Variants in APOL5 observed in about 807,000 individuals in gnomAD.
APOL5 encodes the protein apolipoprotein L, 5.
A neutral mutation model predicts 35.5 loss-of-function variants in APOL5; 29 were observed. The observed-to-expected ratio is 0.82, with a 90% CI of 0.61 to 1.11. The LOEUF is 1.11. APOL5 is among the 50% of genes most tolerant of loss of function. The pLI, the probability that APOL5 is intolerant of heterozygous loss-of-function variation, is 0.00. For synonymous variants in APOL5, 188 were observed against 200.2 expected (o/e 0.94, Z 0.51); for missense variants, 514 against 530.4 (o/e 0.97, Z 0.30).
In APOL5 at chr22:35,719,968, G is replaced by A. The variant is rs551621463; in HGVS notation, c.56-600G>A. ...TTCCCCTGGATTTGGGCCACTCAGC[G>A]GTTCTCCTCCAACTGCCTTTGGCTA... is the stretch of plus-strand genomic sequence containing the variant. On this transcript the variant is annotated intron_variant, in intron 1 of 4. Coordinates refer to ENST00000249044, the MANE Select transcript of APOL5 (RefSeq NM_030642.1). Among the ~76,000 whole-genome samples, 27 of 152,330 alleles carry A rather than the reference G, an allele frequency of 1.8e-4. No individual in the cohort carries two copies. In the South Asian group the frequency reaches 3.5e-3, roughly 20 times the overall value.
the APOL5 span, among the ~76,000 whole-genome samples, chr22:35,708,937 G>A: frequency 6.6e-6 from 1 of 152,230 alleles, no homozygotes; most frequent in Admixed American, 6.5e-5. Flanking sequence ...ACCCAGGTAA[G>A]TACTTCAATC....
At chr22:35,711,641 T>TCCTTCCTTCCTTCCTG in the APOL5 span, among the ~76,000 whole-genome samples, 1 of 149,288 alleles carries the variant, frequency 6.7e-6, no homozygotes, top group Non-Finnish European at 1.5e-5. Context: ...CTTCCTTCCT[T>TCCTTCCTTCCTTCCTG]CCTTCCCTCC....
the APOL5 span, among the ~76,000 whole-genome samples, chr22:35,710,829 T>C: frequency 2.0e-5 from 3 of 152,174 alleles, no homozygotes; most frequent in Admixed American, 2.0e-4. Context: ...TTATTTCACC[T>C]AGCAGAATGT....
chr22:35,710,495 A>C, the APOL5 span, among the ~76,000 whole-genome samples: 2 of 150,896 alleles, frequency 1.3e-5, no homozygotes, highest in Non-Finnish European at 2.9e-5. Context: ...ATACATATAT[A>C]TGTACACACA....
rs201960531 is a variant in APOL5 at position 35,728,916 on chromosome 22, G to A, written c.*6+12G>A. On this transcript the variant is annotated intron_variant, in intron 4 of 4. Transcript: ENST00000249044. ...GACAATGAGAAGAGGTAAGTGGGAC[G>A]CAAGGAAGCCAGGAGCTGTGGGAAC... The A allele has an allele frequency of 1.5e-5, 24 of 1,571,460 alleles. No individual in the cohort carries two copies. In the Middle Eastern group the frequency reaches 6.9e-4, roughly 45 times the overall value.
the APOL5 span, among the ~76,000 whole-genome samples, chr22:35,711,806 G>C: frequency 4.5e-4 from 69 of 152,024 alleles, no homozygotes; most frequent in Non-Finnish European, 9.1e-4. Context: ...CTCCCAAGTA[G>C]CTGGGATTAC....
chr22:35,712,984 T>C (rs1926635787), upstream of APOL5, among the ~76,000 whole-genome samples: 1 of 152,230 alleles, frequency 6.6e-6, no homozygotes, highest in Non-Finnish European at 1.5e-5. Context: ...TGCCAACCTG[T>C]ACACCTTAGT....
Position 35,728,879 on chromosome 22 carries a change from C to G in APOL5, c.1283C>G (p.Pro428Arg). The change falls in exon 4 of 5, where the codon CCG becomes CGG. Residue 428 changes from proline (P) to arginine (R), a missense_variant. Pro to Arg is a moderately radical substitution (Grantham distance 103). This residue lies in a region of APOL5 where 238 missense variants were observed against 229.1 expected (regional missense o/e 1.04). Transcript: ENST00000249044. ...CCAGCAAGAAAGGGGAGACAGGCCC[C>G]GGGAAGACACCGACAATGAGAAGAG... ...PAPARKGRQAPGRHRQ is the reference protein window; with the variant it reads ...PAPARKGRQARGRHRQ 1 of 1,604,268 alleles carries G rather than the reference C, an allele frequency of 6.2e-7. No homozygotes were observed. Among genetic ancestry groups the G allele is most frequent in the Non-Finnish European group, 8.5e-7 (1 of 1,175,868 alleles).
At chr22:35,721,622 T>C (rs1926973892) in intron 2 of APOL5, among the ~76,000 whole-genome samples, 1 of 152,058 alleles carries the variant, frequency 6.6e-6, no homozygotes, top group African/African-American at 2.4e-5. Context: ...TAGAGGGCAA[T>C]GGAATCCTAG....
chr22:35,716,612 A>T (rs555301995), upstream of APOL5, among the ~76,000 whole-genome samples: 4 of 152,340 alleles, frequency 2.6e-5, no homozygotes, highest in African/African-American at 9.6e-5. Flanking sequence ...AACAAAGCTC[A>T]ATAATATAGA....
At chr22:35,726,147 C>G in intron 2 of APOL5, 64 bp from the exon 3 acceptor site, 3 of 1,546,254 alleles carry the variant, frequency 1.9e-6, no homozygotes, top group Non-Finnish European at 2.6e-6. Flanking sequence ...GACATTGTAC[C>G]TCGATTCTCA....
At chr22:35,714,300 A>G (rs529427060), upstream of APOL5, among the ~76,000 whole-genome samples, 16 of 152,282 alleles carry the variant, frequency 1.1e-4, no homozygotes, top group African/African-American at 3.8e-4. Context: ...TGACAGAGCA[A>G]GATTCTGTCT....
At chr22:35,720,346 T>C (rs1041297287) in intron 1 of APOL5, among the ~76,000 whole-genome samples, 2 of 152,240 alleles carry the variant, frequency 1.3e-5, no homozygotes, top group African/African-American at 4.8e-5. Context: ...CCAGTTTTAT[T>C]GCATCCTAGT....
upstream of APOL5, chr22:35,717,749 AAAAAG>A: frequency 6.2e-5 from 22 of 355,250 alleles, no homozygotes; most frequent in African/African-American, 1.6e-4. Context: ...AAAAAAAAAA[AAAAAG>A]AAAGAAAAGA....
At chr22:35,717,743 A>AG, upstream of APOL5, 1 of 329,478 alleles carries the variant, frequency 3.0e-6, no homozygotes, top group Non-Finnish European at 4.6e-6. Flanking sequence ...CATCGCAAAA[A>AG]AAAAAAAAAA....
chr22:35,712,559 GT>G, the APOL5 span, among the ~76,000 whole-genome samples: 9 of 152,120 alleles, frequency 5.9e-5, no homozygotes, highest in African/African-American at 2.2e-4. Flanking sequence ...GATTAGAGGT[GT>G]TGGGCATCTT....
At chr22:35,713,707 CAT>C (rs1192540238), upstream of APOL5, among the ~76,000 whole-genome samples, 1 of 152,158 alleles carries the variant, frequency 6.6e-6, no homozygotes. Flanking sequence ...TCAGAGATAC[CAT>C]GACTGCAGCA....
upstream of APOL5, among the ~76,000 whole-genome samples, chr22:35,715,042 A>G (rs144573302): frequency 3.3e-4 from 50 of 152,320 alleles, no homozygotes; most frequent in East Asian, 8.9e-3. Flanking sequence ...GATTCGTGAA[A>G]CATCTGTGTA....
chr22:35,729,247 G>A (rs562000492), intron 4 of APOL5, 107 bp from the exon 5 acceptor site: 48 of 206,606 alleles, frequency 2.3e-4, no homozygotes, highest in South Asian at 9.6e-4. Flanking sequence ...GAATGACCTC[G>A]CCCAGCCCTG....
Sources: allele counts gnomAD v4.1 joint callset (sites outside exome capture counted in the v4.1 genomes callset), GRCh38; gene constraint gnomAD v4.1.1; regional missense constraint gnomAD v4.1.1; transcripts MANE v1.5; gene names NCBI Gene and HGNC (gene_info 2026-07-23, HGNC 2026-07-21).